Variants in PPP2R2B observed in about 807,000 individuals in gnomAD.
The protein encoded by PPP2R2B is protein phosphatase 2 regulatory subunit Bbeta, also known as serine/threonine-protein phosphatase 2A 55 kDa regulatory subunit B beta isoform.
Under a neutral mutation model 46.0 loss-of-function variants are expected in PPP2R2B, and 5 were observed. The ratio of observed to expected loss-of-function variants is 0.11; its 90% CI spans 0.06 to 0.23. The LOEUF is 0.23. Among genes scored for constraint, PPP2R2B ranks in the 10% least tolerant of loss-of-function variants. PPP2R2B has a pLI of 1.00. For missense variants in PPP2R2B, 367 were observed against 575.0 expected, an observed-to-expected ratio of 0.64 and a Z score of 3.70; for synonymous variants, 215 against 206.7, an observed-to-expected ratio of 1.04 and a Z score of -0.34.
At chr5:146,719,741 C>A (rs370670139) in intron 2 of PPP2R2B, among the ~76,000 whole-genome samples, 5 of 144,480 alleles carry the variant, frequency 3.5e-5, no homozygotes, top group African/African-American at 1.4e-4. Flanking sequence ...TTTATTTGGA[C>A]TAGTTTATTA....
intron 1 of PPP2R2B, among the ~76,000 whole-genome samples, chr5:146,948,300 A>G (rs1764548305): frequency 6.6e-6 from 1 of 151,982 alleles, no homozygotes; most frequent in Non-Finnish European, 1.5e-5. Context: ...GCTTAAATAT[A>G]TTATCTACTC....
intron 1 of PPP2R2B, among the ~76,000 whole-genome samples, chr5:146,958,226 G>C (rs78736990): frequency 0.015 from 2,300 of 152,200 alleles, 42 homozygotes; most frequent in African/African-American, 0.052. Flanking sequence ...ATTTTCCCTT[G>C]AGGATGCTCA....
rs1266857779 is a variant in PPP2R2B, at chr5:146,582,623, A to G, written c.*7324T>C. Reference sequence around the variant, plus strand: ...CCCAATGGCATGCCGCTCATCTTATAAGCTTCCTGTGGGCAAGTGCTGTGC... The same window carrying G: ...CCCAATGGCATGCCGCTCATCTTATGAGCTTCCTGTGGGCAAGTGCTGTGC... On this transcript the variant is annotated 3_prime_UTR_variant, in exon 10 of 10. Transcript: ENST00000394411. 6.6e-6 allele frequency: 1 copy of G among 152,190 alleles called. No individual in the cohort carries two copies. The highest frequency in any genetic ancestry group is 1.5e-5 in the Non-Finnish European group (1 of 68,036). The allele number at this position is 152,190 out of a possible 1,614,324, so 9.4% of individuals were successfully genotyped here.
intron 1 of PPP2R2B, among the ~76,000 whole-genome samples, chr5:146,923,985 A>G (rs973325578): frequency 2.0e-5 from 3 of 152,200 alleles, no homozygotes; most frequent in Non-Finnish European, 4.4e-5. Context: ...ACAGAAAACC[A>G]AGTACAGCAT....
chr5:146,669,574 T>C (rs2151119036), intron 5 of PPP2R2B, among the ~76,000 whole-genome samples: 1 of 152,080 alleles, frequency 6.6e-6, no homozygotes, highest in East Asian at 1.9e-4. Context: ...TTTTCAAGAG[T>C]ATTTTTACCA....
At chr5:146,818,793 G>A (rs1375057372) in intron 2 of PPP2R2B, among the ~76,000 whole-genome samples, 2 of 152,162 alleles carry the variant, frequency 1.3e-5, no homozygotes, top group African/African-American at 2.4e-5. Context: ...ATGAGGAGAT[G>A]TGAGTTTTAG....
chr5:146,667,084 C>G (rs548551260), intron 5 of PPP2R2B, among the ~76,000 whole-genome samples: 1 of 152,058 alleles, frequency 6.6e-6, no homozygotes, highest in African/African-American at 2.4e-5. Flanking sequence ...ATTTTTCTGT[C>G]TAATAAAGGC....
rs192033316 is a variant in PPP2R2B, at chr5:146,758,118, C to T, written c.71-56976G>A. On this transcript the variant is annotated intron_variant, in intron 2 of 9. Coordinates refer to ENST00000394411, the MANE Select transcript of PPP2R2B (RefSeq NM_181675.4). ...TTATGTGATATTCTTTGTGACAGGC[C>T]ACCCCTTCCTCTCAACATTAACATC... 2.0e-5 allele frequency among the ~76,000 whole-genome samples: 3 copies of T among 152,276 alleles called. No individual in the cohort carries two copies. In the East Asian group the frequency reaches 5.8e-4, roughly 29 times the overall value.
intron 5 of PPP2R2B, among the ~76,000 whole-genome samples, chr5:146,679,141 C>CTA (rs2151133427): frequency 1.5e-5 from 1 of 67,064 alleles, no homozygotes; most frequent in East Asian, 5.6e-4. Flanking sequence ...TGACTTCAAA[C>CTA]TATACTACAA....
At chr5:146,994,545 G>A (rs753038522) in intron 1 of PPP2R2B, among the ~76,000 whole-genome samples, 16 of 152,160 alleles carry the variant, frequency 1.1e-4, no homozygotes, top group Admixed American at 2.0e-4. Flanking sequence ...TAAGCCTCCT[G>A]TAGACCATAT....
At chr5:146,667,188 C>T (rs966297701) in intron 5 of PPP2R2B, among the ~76,000 whole-genome samples, 2 of 152,116 alleles carry the variant, frequency 1.3e-5, no homozygotes, top group African/African-American at 4.8e-5. Context: ...GACCGTAAAT[C>T]TTCTCTTCCT....
chr5:146,778,899 T>C (rs1459765652), intron 2 of PPP2R2B, among the ~76,000 whole-genome samples: 1 of 152,182 alleles, frequency 6.6e-6, no homozygotes, highest in African/African-American at 2.4e-5. Context: ...TGCCCATCTA[T>C]GGAAAAACAG....
chr5:146,580,941 T>G lies in PPP2R2B; in HGVS notation c.*9006A>C, dbSNP rs564524000. ...CCATGCCTGAAATGGTATTTCATTTTGTACTTTGAAAAAATCAGCTTTTTG... is the reference window on the plus strand; with the variant it reads ...CCATGCCTGAAATGGTATTTCATTTGGTACTTTGAAAAAATCAGCTTTTTG... On this transcript the variant is annotated 3_prime_UTR_variant, in exon 10 of 10. Coordinates refer to ENST00000394411, the MANE Select transcript of PPP2R2B (RefSeq NM_181675.4). 2.0e-5 allele frequency among the ~76,000 whole-genome samples: 3 copies of G among 152,274 alleles called. No individual in the cohort carries two copies. The South Asian group carries it at 6.2e-4, about 32-fold the overall frequency.
At chr5:146,730,499 G>C (rs1460108427) in intron 2 of PPP2R2B, among the ~76,000 whole-genome samples, 1 of 152,104 alleles carries the variant, frequency 6.6e-6, no homozygotes, top group Non-Finnish European at 1.5e-5. Flanking sequence ...TGGTTTGGCT[G>C]TGTCCCCACC....
chr5:146,908,250 G>A (rs1324956301), intron 1 of PPP2R2B, among the ~76,000 whole-genome samples: 1 of 152,130 alleles, frequency 6.6e-6, no homozygotes, highest in Non-Finnish European at 1.5e-5. Context: ...ACATTAGATT[G>A]TACTACATGA....
chr5:146,946,472 C>A (rs1764486686), intron 1 of PPP2R2B, among the ~76,000 whole-genome samples: 1 of 152,044 alleles, frequency 6.6e-6, no homozygotes, highest in Non-Finnish European at 1.5e-5. Context: ...AATAGTGTTA[C>A]TTTTCTGAGT....
rs1019582219 is a variant in PPP2R2B at position 146,713,151 on chromosome 5, T to C, written c.71-12009A>G. Among the ~76,000 whole-genome samples, 6 of 152,124 alleles carry C rather than the reference T, an allele frequency of 3.9e-5. No homozygotes were observed. In the East Asian group the frequency reaches 1.2e-3, roughly 29 times the overall value. On this transcript the variant is annotated intron_variant, in intron 2 of 9. Transcript: ENST00000394411. ...AATAGGGTGGTTGTGACAGACTTCA[T>C]GGGGGAGACTTGAAGGAGTGGAGGC...
intron 1 of PPP2R2B, among the ~76,000 whole-genome samples, chr5:147,030,922 T>C (rs537915162): frequency 6.6e-6 from 1 of 152,274 alleles, no homozygotes; most frequent in South Asian, 2.1e-4. Context: ...CAATAAATTA[T>C]CTCATATTTT....
chr5:147,072,262 T>C (rs1223442460), intron 2 of PPP2R2B, among the ~76,000 whole-genome samples: 3 of 152,236 alleles, frequency 2.0e-5, no homozygotes, highest in African/African-American at 7.2e-5. Flanking sequence ...GGTTATAAGA[T>C]GTATATGACC....
Sources: allele counts gnomAD v4.1 joint callset (sites outside exome capture counted in the v4.1 genomes callset), GRCh38; gene constraint gnomAD v4.1.1; transcripts MANE v1.5; gene names NCBI Gene and HGNC (gene_info 2026-07-23, HGNC 2026-07-21).